Variants in PRDM5 observed in about 807,000 individuals in gnomAD.
The protein encoded by PRDM5 is PR domain zinc finger protein 5.
Under a neutral mutation model 81.2 loss-of-function variants are expected in PRDM5, and 56 were observed. The observed-to-expected ratio is 0.69, with a 90% CI of 0.56 to 0.86. The LOEUF (loss-of-function observed/expected upper bound fraction) is 0.86, where lower values mean the gene tolerates loss of function less well. Ranked by LOEUF, PRDM5 falls within the 40% of genes least tolerant of loss-of-function variation. PRDM5 has a pLI of 0.00. For synonymous variants in PRDM5, 267 were observed against 256.4 expected (o/e 1.04, Z -0.39); for missense variants, 697 against 770.1 (o/e 0.91, Z 1.12).
At chr4:120,699,768 G>A (rs1443351461) in intron 15 of PRDM5, among the ~76,000 whole-genome samples, 1 of 152,072 alleles carries the variant, frequency 6.6e-6, no homozygotes, top group South Asian at 2.1e-4. Context: ...AATCACAGAT[G>A]ATACAAAGAA....
chr4:120,891,152 A>G (rs963306974), intron 2 of PRDM5, among the ~76,000 whole-genome samples: 4 of 152,178 alleles, frequency 2.6e-5, no homozygotes, highest in African/African-American at 9.6e-5. Flanking sequence ...TTGTGAATCC[A>G]TCTGGTCTCG....
At chr4:120,685,894 TC>T (rs1337412725) in intron 1 of PRDM5, among the ~76,000 whole-genome samples, 3 of 152,062 alleles carry the variant, frequency 2.0e-5, no homozygotes. Context: ...TGAATTGTAA[TC>T]CCCTATGTTG....
intron 2 of PRDM5, among the ~76,000 whole-genome samples, chr4:120,884,209 G>T (rs1217997589): frequency 6.6e-6 from 1 of 152,048 alleles, no homozygotes; most frequent in South Asian, 2.1e-4. Flanking sequence ...ATATCAGCAA[G>T]AGTGAATACA....
At chr4:120,768,375 G>T (rs1312771546) in intron 13 of PRDM5, among the ~76,000 whole-genome samples, 1 of 152,128 alleles carries the variant, frequency 6.6e-6, no homozygotes, top group African/African-American at 2.4e-5. Flanking sequence ...AGAAATGGCT[G>T]AATCCTTTCA....
intron 13 of PRDM5, among the ~76,000 whole-genome samples, chr4:120,763,076 T>C (rs1413040775): frequency 6.6e-6 from 1 of 152,206 alleles, no homozygotes; most frequent in East Asian, 1.9e-4. Flanking sequence ...TCTATTTCTT[T>C]AAACGATGCT....
intron 13 of PRDM5, among the ~76,000 whole-genome samples, chr4:120,763,927 T>TA (rs200802763): frequency 0.088 from 12,163 of 138,796 alleles, 683 homozygotes; most frequent in Middle Eastern, 0.21. Flanking sequence ...TAGAGAAGAT[T>TA]AAAAAAAAAA....
At chr4:120,733,836 T>C (rs371034163) in intron 14 of PRDM5, among the ~76,000 whole-genome samples, 130 of 146,434 alleles carry the variant, frequency 8.9e-4, no homozygotes, top group Non-Finnish European at 1.7e-3. Context: ...ACTGAATGAA[T>C]ACGTGAACTA....
At chr4:120,802,683 A>G (rs1752310153) in intron 8 of PRDM5, among the ~76,000 whole-genome samples, 1 of 152,218 alleles carries the variant, frequency 6.6e-6, no homozygotes, top group African/African-American at 2.4e-5. Flanking sequence ...CAGAAAGGAT[A>G]TCCACACCAA....
chr4:120,796,625 C>T (rs1195502863), intron 10 of PRDM5, among the ~76,000 whole-genome samples: 6 of 151,990 alleles, frequency 3.9e-5, no homozygotes, highest in Non-Finnish European at 8.8e-5. Flanking sequence ...AGTCCTGCCC[C>T]GAATGTACAA....
intron 10 of PRDM5, among the ~76,000 whole-genome samples, chr4:120,788,695 A>G (rs1008115042): frequency 2.0e-5 from 3 of 152,208 alleles, no homozygotes; most frequent in African/African-American, 7.2e-5. Context: ...GGACAGCATA[A>G]TGCCTTTTAA....
chr4:120,701,171 A>C (rs1009623690), intron 15 of PRDM5, among the ~76,000 whole-genome samples: 2 of 151,972 alleles, frequency 1.3e-5, no homozygotes, highest in Non-Finnish European at 2.9e-5. Flanking sequence ...GGTAAAAAAA[A>C]AACAACAGAT....
rs143852468 is a variant in PRDM5 at position 120,778,431 on chromosome 4, G to A, written c.1444-1150C>T. Among the ~76,000 whole-genome samples, 6 of 152,206 alleles carry A rather than the reference G, an allele frequency of 3.9e-5. No individual in the cohort carries two copies. The East Asian group carries it at 1.2e-3, about 29-fold the overall frequency. On this transcript the variant is annotated intron_variant, in intron 12 of 15. Transcript: ENST00000264808. The stretch of plus-strand genomic sequence containing the variant: ...GGGTGGGGCAATTACCTCATCACCT[G>A]ACAACATCAAAGAACCATCACCATA...
intron 3 of PRDM5, among the ~76,000 whole-genome samples, chr4:120,823,445 A>G (rs1439560102): frequency 1.3e-5 from 2 of 152,334 alleles, no homozygotes; most frequent in South Asian, 2.1e-4. Context: ...GAATATAGTT[A>G]CAGGTATTAC....
chr4:120,799,080 C>T (rs1179538163), intron 9 of PRDM5, among the ~76,000 whole-genome samples: 2 of 152,038 alleles, frequency 1.3e-5, no homozygotes, highest in African/African-American at 2.4e-5. Flanking sequence ...CTAGAGACTC[C>T]ATAAAGTAAA....
At chr4:120,743,018 G>A (rs1015830225) in intron 14 of PRDM5, among the ~76,000 whole-genome samples, 5 of 151,532 alleles carry the variant, frequency 3.3e-5, no homozygotes, top group African/African-American at 7.3e-5. Flanking sequence ...AATGTTAAGG[G>A]CAGCCAGAGA....
At chr4:120,868,754 T>C (rs915541067) in intron 2 of PRDM5, among the ~76,000 whole-genome samples, 1 of 152,170 alleles carries the variant, frequency 6.6e-6, no homozygotes, top group African/African-American at 2.4e-5. Context: ...TTAAATGTCC[T>C]GACACTACTG....
intron 2 of PRDM5, among the ~76,000 whole-genome samples, chr4:120,904,462 T>G (rs1272511503): frequency 6.6e-6 from 1 of 152,016 alleles, no homozygotes; most frequent in Non-Finnish European, 1.5e-5. Flanking sequence ...GTGTAACAAG[T>G]AAAAATATTA....
intron 3 of PRDM5, chr4:120,839,367 C>G (rs1757733134): frequency 1.7e-5 from 12 of 689,006 alleles, no homozygotes; most frequent in Middle Eastern, 2.3e-4. Context: ...CAGAGGAAAC[C>G]TGCAGGTTTT....
chr4:120,844,045 G>A lies in PRDM5; in HGVS notation c.300+9373C>T, dbSNP rs28641847. On this transcript the variant is annotated intron_variant, in intron 3 of 15. Transcript: ENST00000264808. ...AGCTCAGTAGCAGGGTGCATAGGCCGCTGCGGCCACTGTGGGGCAGGCTCA... is the reference window on the plus strand; with the variant it reads ...AGCTCAGTAGCAGGGTGCATAGGCCACTGCGGCCACTGTGGGGCAGGCTCA... Among the ~76,000 whole-genome samples, 1,477 of 152,202 alleles carry A rather than the reference G, an allele frequency of 9.7e-3. 23 individuals carry two copies. The highest frequency in any genetic ancestry group is 0.03 in the African/African-American group (1,261 of 41,530).
Sources: gnomAD v4.1 joint callset for allele counts (sites outside exome capture counted in the v4.1 genomes callset) on GRCh38, gnomAD v4.1.1 for gene constraint, MANE v1.5 for transcripts, NCBI Gene and HGNC (gene_info 2026-07-23, HGNC 2026-07-21) for gene names.